CACNB2: variants seen among roughly 807,000 people sequenced by gnomAD.
CACNB2 encodes the protein calcium voltage-gated channel auxiliary subunit beta 2.
CACNB2 carries 42 observed loss-of-function variants against 73.3 expected under a neutral mutation model. The ratio of observed to expected loss-of-function variants is 0.57; its 90% CI spans 0.45 to 0.74. The LOEUF (loss-of-function observed/expected upper bound fraction) is 0.74. CACNB2 is among the 30% of genes least tolerant of loss of function. The pLI is 0.00. For synonymous variants in CACNB2, 348 were observed against 310.3 expected, an observed-to-expected ratio of 1.12 and a Z score of -1.28; for missense variants, 940 against 853.0, an observed-to-expected ratio of 1.10 and a Z score of -1.27.
At chr10:18,352,875 G>A (rs1260424498) in intron 2 of CACNB2, among the ~76,000 whole-genome samples, 1 of 152,202 alleles carries the variant, frequency 6.6e-6, no homozygotes, top group Admixed American at 6.5e-5. Context: ...AACAGAATAT[G>A]TGAGCATATT....
chr10:18,284,583 C>T (rs2038703485), intron 2 of CACNB2, among the ~76,000 whole-genome samples: 1 of 152,186 alleles, frequency 6.6e-6, no homozygotes, highest in Non-Finnish European at 1.5e-5. Flanking sequence ...AAAACTTTCT[C>T]CCATTCTGTC....
chr10:18,267,676 C>T lies in CACNB2; in HGVS notation c.213+116701C>T, dbSNP rs568374241. On this transcript the variant is annotated intron_variant, in intron 2 of 13. Transcript: ENST00000324631. ...ATATAAACATTAAGAAGCACAGAGG[C>T]GGGAAAATGAAATTAAGTTGGTGGT... 1.3e-4 allele frequency among the ~76,000 whole-genome samples: 20 copies of T among 152,246 alleles called. 1 individual carries two copies. In the East Asian group the frequency reaches 1.7e-3, roughly 13 times the overall value.
intron 7 of CACNB2, among the ~76,000 whole-genome samples, chr10:18,517,129 C>T (rs533724383): frequency 1.3e-5 from 2 of 152,282 alleles, no homozygotes; most frequent in South Asian, 2.1e-4. Flanking sequence ...TTCATATCTG[C>T]ACATCAGTGT....
chr10:18,506,348 C>G, intron 5 of CACNB2, 123 bp from the exon 6 acceptor site: 1 of 700,416 alleles, frequency 1.4e-6, no homozygotes, highest in South Asian at 1.5e-5. Flanking sequence ...TGTTTTCCTC[C>G]TTAAATGAAA....
At chr10:18,385,444 T>G (rs1172942600) in intron 2 of CACNB2, among the ~76,000 whole-genome samples, 2 of 125,422 alleles carry the variant, frequency 1.6e-5, no homozygotes, top group Non-Finnish European at 3.1e-5. Context: ...TACTCATAAA[T>G]GTATGCATTC....
At chr10:18,270,484 TTC>T (rs934053065) in intron 2 of CACNB2, among the ~76,000 whole-genome samples, 3 of 152,156 alleles carry the variant, frequency 2.0e-5, no homozygotes, top group African/African-American at 4.8e-5. Flanking sequence ...ATCATGGTAT[TTC>T]TCTGCTTAAA....
chr10:18,229,248 A>G (rs2036133906), intron 2 of CACNB2, among the ~76,000 whole-genome samples: 1 of 152,224 alleles, frequency 6.6e-6, no homozygotes, highest in African/African-American at 2.4e-5. Context: ...CAATCTGAAG[A>G]CTAAATCCAT....
intron 2 of CACNB2, among the ~76,000 whole-genome samples, chr10:18,388,094 C>T (rs1345428201): frequency 1.3e-5 from 2 of 152,142 alleles, no homozygotes; most frequent in African/African-American, 4.8e-5. Context: ...GTATTCTTAC[C>T]AAACTGTCAG....
At chr10:18,266,973 GTGTA>G (rs1315711722) in intron 2 of CACNB2, among the ~76,000 whole-genome samples, 1 of 152,132 alleles carries the variant, frequency 6.6e-6, no homozygotes, top group Non-Finnish European at 1.5e-5. Context: ...AAAGGCATGT[GTGTA>G]TGTATGTGTG....
chr10:18,151,168 C>G, intron 2 of CACNB2, 193 bp downstream of exon 2: 1 of 523,508 alleles, frequency 1.9e-6, no homozygotes, highest in Non-Finnish European at 3.3e-6. Flanking sequence ...TAATTACACT[C>G]TTTCCTGGCA....
At chr10:18,346,286 C>G (rs921079725) in intron 2 of CACNB2, among the ~76,000 whole-genome samples, 1 of 151,968 alleles carries the variant, frequency 6.6e-6, no homozygotes, top group African/African-American at 2.4e-5. Context: ...ATTACAGGTG[C>G]CCGCCACCAC....
In CACNB2 at chr10:18,344,583, G is replaced by T. The variant is rs191128753; in HGVS notation, c.214-57341G>T. On this transcript the variant is annotated intron_variant, in intron 2 of 13. Transcript: ENST00000324631. ...GACGGGGTTTCACCATGTTGGTCAG[G>T]CTGGTCTCGAACTCCTGACCTCAGG... Among the ~76,000 whole-genome samples the T allele has an allele frequency of 2.5e-3, 387 of 152,036 alleles. 2 individuals carry two copies. The highest frequency in any genetic ancestry group is 9.0e-3 in the African/African-American group (373 of 41,458).
Position 18,520,746 on chromosome 10 carries a change from CCA to C in CACNB2, c.944+1779_944+1780del, listed in dbSNP as rs1172700719. On this transcript the variant is annotated intron_variant, in intron 9 of 13. Transcript: ENST00000324631. ...ACTCCCTTGCTGTTCTTTGAGTGTT[CCA>C]GACAGATTACACAATCACCTCAGGG... Among the ~76,000 whole-genome samples the C allele has an allele frequency of 2.0e-5, 3 of 152,304 alleles. No homozygotes were observed. The East Asian group carries it at 5.8e-4, about 29-fold the overall frequency.
At chr10:18,239,616 A>G (rs868774140) in intron 2 of CACNB2, among the ~76,000 whole-genome samples, 11 of 152,202 alleles carry the variant, frequency 7.2e-5, no homozygotes, top group African/African-American at 2.7e-4. Flanking sequence ...GCTATTGTGA[A>G]TAGTGCTGCA....
intron 2 of CACNB2, among the ~76,000 whole-genome samples, chr10:18,398,691 ATACACACACACACACACACACAC>A (rs1445510704): frequency 2.7e-5 from 2 of 73,316 alleles, no homozygotes; most frequent in East Asian, 2.5e-4. Flanking sequence ...ACACACACAC[ATACACACACACACACACACACAC>A]AATTGTTTTT....
chr10:18,493,034 A>G (rs2049547898), intron 3 of CACNB2, among the ~76,000 whole-genome samples: 1 of 152,230 alleles, frequency 6.6e-6, no homozygotes, highest in Admixed American at 6.5e-5. Flanking sequence ...AAAAATTACA[A>G]CAATAAGAAT....
At chr10:18,406,924 T>G (rs889230614) in intron 3 of CACNB2, among the ~76,000 whole-genome samples, 1 of 151,996 alleles carries the variant, frequency 6.6e-6, no homozygotes, top group African/African-American at 2.4e-5. Context: ...CGACGGTCAG[T>G]GTACGTAAAG....
chr10:18,200,563 T>C (rs963103384), intron 2 of CACNB2, among the ~76,000 whole-genome samples: 8 of 152,060 alleles, frequency 5.3e-5, no homozygotes, highest in African/African-American at 1.9e-4. Context: ...AATGATCCAT[T>C]GTGTTCATTA....
intron 2 of CACNB2, among the ~76,000 whole-genome samples, chr10:18,261,634 T>C (rs1245789601): frequency 6.6e-6 from 1 of 152,196 alleles, no homozygotes; most frequent in East Asian, 1.9e-4. Flanking sequence ...TACTCTCTTT[T>C]ACCTAGAGTA....
Sources: gnomAD v4.1 joint callset for allele counts (sites outside exome capture counted in the v4.1 genomes callset) on GRCh38, gnomAD v4.1.1 for gene constraint, MANE v1.5 for transcripts, NCBI Gene and HGNC (gene_info 2026-07-23, HGNC 2026-07-21) for gene names.